NRG3: variants seen among roughly 807,000 people sequenced by gnomAD.
NRG3 encodes neuregulin 3.
In NRG3, 31 loss-of-function variants were observed where a neutral mutation model predicts 66.9. The observed-to-expected ratio is 0.46, with a 90% CI of 0.35 to 0.63. The LOEUF (loss-of-function observed/expected upper bound fraction) is 0.63, where lower values mean the gene tolerates loss of function less well. Ranked by LOEUF, NRG3 falls within the 20% of genes least tolerant of loss-of-function variation. NRG3 has a pLI of 0.00. For synonymous variants in NRG3, 393 were observed against 359.4 expected, an observed-to-expected ratio of 1.09 and a Z score of -1.06; for missense variants, 910 against 878.9, an observed-to-expected ratio of 1.04 and a Z score of -0.45.
intron 1 of NRG3, among the ~76,000 whole-genome samples, chr10:82,334,678 A>G (rs1436813541): frequency 2.6e-5 from 4 of 152,206 alleles, no homozygotes; most frequent in African/African-American, 9.6e-5. Flanking sequence ...TATGAGGTGG[A>G]TGCAAATATC....
chr10:82,764,617 C>T (rs371858066), intron 3 of NRG3, among the ~76,000 whole-genome samples: 14 of 151,936 alleles, frequency 9.2e-5, no homozygotes, highest in East Asian at 7.8e-4. Context: ...CCCACCTCAG[C>T]CTCCCAAAGT....
chr10:82,617,183 A>G (rs2048712753), intron 2 of NRG3, among the ~76,000 whole-genome samples: 1 of 150,730 alleles, frequency 6.6e-6, no homozygotes, highest in African/African-American at 2.4e-5. Context: ...ACACATACAC[A>G]TACACACACA....
chr10:81,930,796 A>G (rs968142815), intron 1 of NRG3, among the ~76,000 whole-genome samples: 2 of 152,142 alleles, frequency 1.3e-5, no homozygotes, highest in Non-Finnish European at 2.9e-5. Flanking sequence ...CATAGGTTAC[A>G]TGTTATGGTG....
At chr10:82,849,701 G>T (rs1480027507) in intron 3 of NRG3, among the ~76,000 whole-genome samples, 5 of 152,188 alleles carry the variant, frequency 3.3e-5, no homozygotes, top group Admixed American at 3.3e-4. Flanking sequence ...CCAGCCCATG[G>T]CTCTGAGGAA....
intron 2 of NRG3, among the ~76,000 whole-genome samples, chr10:82,533,645 GA>G (rs1446091990): frequency 6.6e-6 from 1 of 152,064 alleles, no homozygotes; most frequent in African/African-American, 2.4e-5. Context: ...ACTCAATGGT[GA>G]AAAACAGAAA....
intron 3 of NRG3, chr10:82,827,042 C>T: frequency 3.8e-6 from 1 of 260,630 alleles, no homozygotes; most frequent in South Asian, 3.6e-5. Context: ...TGTAAATTCC[C>T]ATAGATATGC....
intron 1 of NRG3, among the ~76,000 whole-genome samples, chr10:82,190,738 A>G (rs1449276062): frequency 6.6e-6 from 1 of 152,182 alleles, no homozygotes; most frequent in Non-Finnish European, 1.5e-5. Context: ...TGCCTTCAGC[A>G]AGAGCGCAGC....
chr10:82,119,701 T>A (rs2067961948), intron 1 of NRG3, among the ~76,000 whole-genome samples: 1 of 152,192 alleles, frequency 6.6e-6, no homozygotes, highest in Non-Finnish European at 1.5e-5. Context: ...ACAAATATAT[T>A]CCTGTAAATA....
intron 1 of NRG3, among the ~76,000 whole-genome samples, chr10:81,937,954 C>T (rs10786778): frequency 0.5 from 76,491 of 151,926 alleles, 23,518 homozygotes; most frequent in African/African-American, 0.83. Context: ...TGTTCTTTTC[C>T]ATGTGGGTAT....
At chr10:81,987,872 A>G (rs1256788596) in intron 1 of NRG3, among the ~76,000 whole-genome samples, 1 of 152,172 alleles carries the variant, frequency 6.6e-6, no homozygotes, top group African/African-American at 2.4e-5. Context: ...TGTTTTTGAT[A>G]TATTTCGTCC....
At chr10:82,488,077 TG>T (rs1423688122) in intron 2 of NRG3, among the ~76,000 whole-genome samples, 1 of 152,204 alleles carries the variant, frequency 6.6e-6, no homozygotes, top group East Asian at 1.9e-4. Flanking sequence ...TAAATTTGTA[TG>T]GAGAGAATGG....
intron 2 of NRG3, among the ~76,000 whole-genome samples, chr10:82,691,833 G>A (rs1157820643): frequency 6.6e-6 from 1 of 152,116 alleles, no homozygotes; most frequent in African/African-American, 2.4e-5. Context: ...ACTTGCAAAG[G>A]CTCACAGTCA....
At chr10:82,231,664 A>G (rs1026431331) in intron 1 of NRG3, among the ~76,000 whole-genome samples, 17 of 152,206 alleles carry the variant, frequency 1.1e-4, no homozygotes, top group Admixed American at 2.6e-4. Context: ...ATAATGGAAA[A>G]TCTACAGAAA....
At chr10:82,098,543 G>A (rs1033990928) in intron 1 of NRG3, among the ~76,000 whole-genome samples, 3 of 152,082 alleles carry the variant, frequency 2.0e-5, no homozygotes, top group East Asian at 1.9e-4. Context: ...AGGAGAAGAC[G>A]ATGGATACAC....
Position 82,826,678 on chromosome 10 carries a change from T to A in NRG3, c.1028-38733T>A, listed in dbSNP as rs186146045. Reference sequence around the variant, plus strand: ...CAGGAAGAGAAAGACAAATACTGCATGTTCTCACTTACAAGTGGGAGCTAA... The same window carrying A: ...CAGGAAGAGAAAGACAAATACTGCAAGTTCTCACTTACAAGTGGGAGCTAA... On this transcript the variant is annotated intron_variant, in intron 3 of 8. Coordinates refer to ENST00000372141, the MANE Select transcript of NRG3 (RefSeq NM_001010848.4). Among the ~76,000 whole-genome samples, 22 of 152,036 alleles carry A rather than the reference T, an allele frequency of 1.4e-4. No homozygotes were observed. The East Asian group carries it at 2.5e-3, about 17-fold the overall frequency.
chr10:82,572,418 T>C (rs2045791767), intron 2 of NRG3, among the ~76,000 whole-genome samples: 1 of 151,738 alleles, frequency 6.6e-6, no homozygotes, highest in African/African-American at 2.4e-5. Flanking sequence ...GACTCAATCA[T>C]AGACCTCCAA....
chr10:81,890,831 A>G (rs956447563), intron 1 of NRG3, among the ~76,000 whole-genome samples: 5 of 152,184 alleles, frequency 3.3e-5, no homozygotes, highest in African/African-American at 1.2e-4. Context: ...CAAGCAAGCC[A>G]TTGAGCAGAG....
intron 2 of NRG3, among the ~76,000 whole-genome samples, chr10:82,402,560 T>C (rs988005297): frequency 1.3e-5 from 2 of 152,180 alleles, no homozygotes; most frequent in Admixed American, 1.3e-4. Flanking sequence ...ATATTTACTA[T>C]GTGAGAATTT....
chr10:82,283,830 ATTG>A (rs1367422908), intron 1 of NRG3, among the ~76,000 whole-genome samples: 2 of 152,084 alleles, frequency 1.3e-5, no homozygotes, highest in African/African-American at 4.8e-5. Context: ...GCCTGAGCCT[ATTG>A]TTGTTTTATC....
Sources: gnomAD v4.1 joint callset for allele counts (sites outside exome capture counted in the v4.1 genomes callset) on GRCh38, gnomAD v4.1.1 for gene constraint, MANE v1.5 for transcripts, NCBI Gene and HGNC (gene_info 2026-07-23, HGNC 2026-07-21) for gene names.